DMD: variants seen among roughly 807,000 people sequenced by gnomAD.
DMD encodes mutant dystrophin.
In DMD, 63 loss-of-function variants were observed where a neutral mutation model predicts 330.1. The observed-to-expected ratio is 0.19, with a 90% CI of 0.16 to 0.24. The LOEUF is 0.24. Ranked by LOEUF, DMD falls within the 10% of genes least tolerant of loss-of-function variation. The pLI, the probability that DMD is intolerant of heterozygous loss-of-function variation, is 1.00. For missense variants in DMD, 3,344 were observed against 2,684.1 expected (o/e 1.25, Z -5.43); for synonymous variants, 1,223 against 959.8 (o/e 1.27, Z -5.07).
At chrX:31,284,557 T>TTTTCTTCTTCTTCTTCTTCTTCTTC (rs2052885922) in intron 62 of DMD, among the ~76,000 whole-genome samples, 4 of 78,066 alleles carry the variant, frequency 5.1e-5, no homozygotes, top group Non-Finnish European at 7.1e-5. Flanking sequence ...TAACGAACTG[T>TTTTCTTCTTCTTCTTCTTCTTCTTC]TTCTTCTTCT....
chrX:32,441,246 T>C lies in DMD; in HGVS notation c.3855A>G (p.Val1285=). 1 of 1,208,926 alleles carries C rather than the reference T, an allele frequency of 8.3e-7. No homozygotes were observed. The highest frequency in any genetic ancestry group is 1.1e-6 in the Non-Finnish European group (1 of 893,086). The change falls in exon 28 of 79, where the codon GTA becomes GTG. Residue 1285 remains valine, a synonymous_variant. Coordinates refer to ENST00000357033, the MANE Select transcript of DMD (RefSeq NM_004006.3). The part of the protein sequence containing the change: ...LEKANKWLNE[V]EFKLKTTENI... ...TTTCAGTGGTTTTAAGTTTAAATTCTACTTCATTTAGCCACTTGTTTGCTT... is the reference window on the plus strand; with the variant it reads ...TTTCAGTGGTTTTAAGTTTAAATTCCACTTCATTTAGCCACTTGTTTGCTT...
intron 1 of DMD, among the ~76,000 whole-genome samples, chrX:33,293,681 A>C (rs1280365079): frequency 9.0e-6 from 1 of 111,422 alleles, no homozygotes; most frequent in African/African-American, 3.3e-5. Flanking sequence ...CTCTAGGCTA[A>C]ACATATAAAA....
At position 31,776,525 on chromosome X, in the gene DMD, A is replaced by G. The variant is rs190609671; in HGVS notation, c.7310-2333T>C. On this transcript the variant is annotated intron_variant, in intron 50 of 78. Transcript: ENST00000357033. ...AGAGAATTATCAGACTTCAACAAGC[A>G]GACCACTGTTTCCTGAAAAGCACGT... is the stretch of plus-strand genomic sequence containing the variant. Among the ~76,000 whole-genome samples the G allele has an allele frequency of 5.3e-3, 553 of 104,394 alleles. 8 individuals are homozygous for G. Among genetic ancestry groups the G allele is most frequent in the African/African-American group, 0.019 (531 of 28,651 alleles). 90.7% of individuals were successfully genotyped at this position (104,394 alleles called of 115,157 possible).
At chrX:32,828,576 T>TACATCTATACACATATATAC (rs1888762357) in intron 4 of DMD, among the ~76,000 whole-genome samples, 1 of 101,704 alleles carries the variant, frequency 9.8e-6, no homozygotes, top group Non-Finnish European at 2.0e-5. Flanking sequence ...TATACACATA[T>TACATCTATACACATATATAC]ATATCTATAC....
At chrX:31,380,300 T>C (rs1013233918) in intron 60 of DMD, among the ~76,000 whole-genome samples, 1 of 110,588 alleles carries the variant, frequency 9.0e-6, no homozygotes, top group African/African-American at 3.3e-5. Context: ...CTTCCCTGAC[T>C]ATTCCTAGGC....
intron 2 of DMD, among the ~76,000 whole-genome samples, chrX:32,995,308 A>G (rs1378041842): frequency 8.9e-6 from 1 of 112,212 alleles, no homozygotes; most frequent in Non-Finnish European, 1.9e-5. Context: ...TAAATAATGT[A>G]CATAGAAACT....
chrX:32,487,469 C>T (rs187037373), intron 20 of DMD, among the ~76,000 whole-genome samples: 4 of 110,828 alleles, frequency 3.6e-5, no homozygotes, highest in African/African-American at 1.3e-4. Flanking sequence ...AAGAATTATA[C>T]CAATTCTGAA....
chrX:31,665,207 A>G (rs1028940492), intron 53 of DMD, among the ~76,000 whole-genome samples: 2 of 112,054 alleles, frequency 1.8e-5, no homozygotes, highest in Non-Finnish European at 3.8e-5. Context: ...GTTTATTTTA[A>G]CTGAGCTTTG....
At chrX:32,155,802 C>G (rs1193578590) in intron 44 of DMD, among the ~76,000 whole-genome samples, 1 of 111,761 alleles carries the variant, frequency 8.9e-6, no homozygotes, top group Non-Finnish European at 1.9e-5. Flanking sequence ...ATCTAGAACA[C>G]AGTCAGCACT....
chrX:31,611,902 A>C (rs2077943899), intron 55 of DMD, among the ~76,000 whole-genome samples: 1 of 111,414 alleles, frequency 9.0e-6, no homozygotes, highest in Non-Finnish European at 1.9e-5. Context: ...TAGTAGGTGC[A>C]TATATTTACG....
At chrX:31,554,074 A>T (rs1299794834) in intron 55 of DMD, among the ~76,000 whole-genome samples, 1 of 112,295 alleles carries the variant, frequency 8.9e-6, no homozygotes, top group East Asian at 2.8e-4. Flanking sequence ...AATGTGTGGG[A>T]GCAGATATTT....
intron 27 of DMD, among the ~76,000 whole-genome samples, 191 bp downstream of exon 27, chrX:32,448,265 T>C (rs1290004116): frequency 9.0e-6 from 1 of 111,066 alleles, no homozygotes; most frequent in African/African-American, 3.3e-5. Context: ...ATGTATTATG[T>C]CTAGTTGACA....
rs139986677 is a variant in DMD, at chrX:32,541,522, C to T, written c.2168+3637G>A. ...GCACAGATAACAAGTAATTTGCCTG[C>T]GCTCATAAGCTAGTAATTAAAACAG... On this transcript the variant is annotated intron_variant, in intron 17 of 78. Transcript: ENST00000357033. Among the ~76,000 whole-genome samples, 373 of 112,217 alleles carry T rather than the reference C, an allele frequency of 3.3e-3. 11 individuals carry two copies. In the East Asian group the frequency reaches 0.088, roughly 26 times the overall value.
chrX:33,010,248 GTA>G (rs1297665631), intron 2 of DMD, among the ~76,000 whole-genome samples: 13 of 106,482 alleles, frequency 1.2e-4, no homozygotes, highest in South Asian at 7.9e-4. Context: ...ACATATGTGT[GTA>G]TATATGTACA....
At chrX:32,280,165 G>GTATATATATATATATATACAGTA (rs1557261374) in intron 43 of DMD, among the ~76,000 whole-genome samples, 8 of 22,189 alleles carry the variant, frequency 3.6e-4, no homozygotes, top group Non-Finnish European at 8.4e-4. Flanking sequence ...TATATATACA[G>GTATATATATATATATATACAGTA]TATATATATA....
intron 28 of DMD, among the ~76,000 whole-genome samples, chrX:32,439,677 G>A (rs1041864813): frequency 9.0e-6 from 1 of 110,967 alleles, no homozygotes; most frequent in East Asian, 2.8e-4. Flanking sequence ...GATACGTGGT[G>A]ATCTAGCCCT....
At chrX:33,198,030 C>T (rs777501366) in intron 1 of DMD, among the ~76,000 whole-genome samples, 3 of 111,330 alleles carry the variant, frequency 2.7e-5, no homozygotes, top group Admixed American at 9.6e-5. Flanking sequence ...TTTACATTCC[C>T]ATCAGCAATA....
At chrX:32,886,890 T>G (rs924087902) in intron 2 of DMD, among the ~76,000 whole-genome samples, 1 of 111,763 alleles carries the variant, frequency 8.9e-6, no homozygotes, top group African/African-American at 3.3e-5. Flanking sequence ...GGGTGAAAAG[T>G]CATAAATATA....
chrX:31,545,316 C>T (rs1307822390), intron 55 of DMD, among the ~76,000 whole-genome samples: 1 of 111,660 alleles, frequency 9.0e-6, no homozygotes, highest in Non-Finnish European at 1.9e-5. Context: ...ATGGAAGAGG[C>T]GTGAGATGAA....
Sources: allele counts gnomAD v4.1 joint callset (sites outside exome capture counted in the v4.1 genomes callset), GRCh38; gene constraint gnomAD v4.1.1; transcripts MANE v1.5; gene names NCBI Gene and HGNC (gene_info 2026-07-23, HGNC 2026-07-21).